XPNPEP2: variants seen among roughly 807,000 people sequenced by gnomAD.
XPNPEP2 encodes xaa-Pro aminopeptidase 2.
Under a neutral mutation model 59.8 loss-of-function variants are expected in XPNPEP2, and 64 were observed. The observed-to-expected ratio is 1.07, with a 90% CI of 0.87 to 1.32. The LOEUF is 1.32. Among genes scored for constraint, XPNPEP2 ranks in the 40% most tolerant of loss-of-function variants. XPNPEP2 has a pLI of 0.00. For synonymous variants in XPNPEP2, 235 were observed against 210.0 expected (o/e 1.12, Z -1.03); for missense variants, 575 against 546.8 (o/e 1.05, Z -0.51).
chrX:129,748,017 G>T (rs1926332163), intron 7 of XPNPEP2: 1 of 411,461 alleles, frequency 2.4e-6, no homozygotes, highest in African/African-American at 2.5e-5. Flanking sequence ...GATGGAGCAG[G>T]AAGGGAGGAA....
intron 7 of XPNPEP2, 113 bp downstream of exon 7, chrX:129,747,866 C>G: frequency 5.6e-6 from 6 of 1,076,362 alleles, no homozygotes; most frequent in Non-Finnish European, 5.1e-6. Context: ...GTTTGCAAAC[C>G]TTAGCATGCA....
chrX:129,750,360 G>T, intron 7 of XPNPEP2, 108 bp from the exon 8 acceptor site: 2 of 580,790 alleles, frequency 3.4e-6, no homozygotes, highest in Non-Finnish European at 2.7e-6. Flanking sequence ...GGGTTTCGCT[G>T]CTTTTTAAGA....
At position 129,747,637 on chromosome X, in the gene XPNPEP2, A is replaced by T; in HGVS notation, c.521A>T (p.Gln174Leu). ...DTWESYDLAL[Q>L]GSNRQLVSIT... ...TGGGAGAGTTATGATCTGGCCCTCC[A>T]AGGCTCTAACAGACAGCTGGTGTCC... The change falls in exon 7 of 21, where the codon CAA (glutamine) becomes CTA (leucine). Residue 174 changes from glutamine (Q) to leucine (L), a missense_variant. Physicochemically the swap from Gln to Leu is moderately radical, Grantham distance 113. Transcript: ENST00000371106. The T allele has an allele frequency of 8.3e-7, 1 of 1,211,795 alleles. No individual in the cohort carries two copies. The highest frequency in any genetic ancestry group is 1.8e-5 in the South Asian group (1 of 57,006).
chrX:129,760,811 G>A (rs988230784), intron 16 of XPNPEP2, among the ~76,000 whole-genome samples: 3 of 112,308 alleles, frequency 2.7e-5, no homozygotes, highest in African/African-American at 9.7e-5. Context: ...TAACACTGTT[G>A]CTCAGAGGTG....
chrX:129,739,119 G>A lies in XPNPEP2; in HGVS notation c.-95G>A, dbSNP rs991207334. The A allele has an allele frequency of 1.6e-5, 15 of 950,337 alleles. No individual in the cohort carries two copies. The East Asian group carries it at 2.8e-4, about 18-fold the overall frequency. 78.3% of individuals were successfully genotyped at this position (950,337 alleles called of 1,213,427 possible). On this transcript the variant is annotated 5_prime_UTR_variant, in exon 1 of 21. Transcript: ENST00000371106. ...GCCAGCCCCCACCCTCTGTCTGCTC[G>A]AGCCCAGGAAAGGCCTGAAGGAAGA...
In XPNPEP2 at chrX:129,743,953, T is replaced by A. The variant is rs1439391363; in HGVS notation, c.124-8T>A. 3 of 1,203,052 alleles carry A rather than the reference T, an allele frequency of 2.5e-6. No individual in the cohort carries two copies. Among genetic ancestry groups the A allele is most frequent in the South Asian group, 1.8e-5 (1 of 56,639 alleles). On this transcript the variant is annotated splice_polypyrimidine_tract_variant and splice_region_variant and intron_variant, in intron 2 of 20. Transcript: ENST00000371106. ...TTTGTGTCTCAATGTCTTCTTGTCA[T>A]CTGTCAGTACCTTCCAGTTACTGTG...
chrX:129,754,589 G>C lies in XPNPEP2; in HGVS notation c.1217+8G>C. 8.5e-7 allele frequency: 1 copy of C among 1,170,991 alleles called. No homozygotes were observed. Among genetic ancestry groups the C allele is most frequent in the Non-Finnish European group, 1.1e-6 (1 of 873,002 alleles). On this transcript the variant is annotated splice_region_variant and intron_variant, in intron 12 of 20. Transcript: ENST00000371106. ...CGTGGACAAGTTCCGAGGGTGAAGA[G>C]CCACGGCCGTCCTTTTTGGCTGACT... is the stretch of plus-strand genomic sequence containing the variant.
At chrX:129,765,635 C>CTTTTTTTTTTTTTTTTTTTTT (rs56014067) in intron 19 of XPNPEP2, among the ~76,000 whole-genome samples, 16 of 67,343 alleles carry the variant, frequency 2.4e-4, no homozygotes, top group Non-Finnish European at 3.2e-4. Flanking sequence ...TTCTTTCTTT[C>CTTTTTTTTTTTTTTTTTTTTT]TTTTTTTTTT....
chrX:129,750,929 A>G (rs1487205857), intron 8 of XPNPEP2, among the ~76,000 whole-genome samples: 2 of 111,404 alleles, frequency 1.8e-5, no homozygotes, highest in Non-Finnish European at 3.8e-5. Flanking sequence ...TTTAGCACCC[A>G]GTGGGACTCT....
chrX:129,757,866 A>AAG (rs1926568448), intron 14 of XPNPEP2, among the ~76,000 whole-genome samples: 1 of 68,518 alleles, frequency 1.5e-5, no homozygotes, highest in African/African-American at 8.6e-5. Flanking sequence ...AAAGAGGGAG[A>AAG]GAGAGAAAGA....
At chrX:129,740,939 CA>C (rs201130192) in intron 1 of XPNPEP2, among the ~76,000 whole-genome samples, 303 of 45,577 alleles carry the variant, frequency 6.6e-3, no homozygotes, top group Admixed American at 0.012. Flanking sequence ...GACTCTGTCT[CA>C]AAAAAAAAAA....
At chrX:129,741,242 A>G (rs1022509876) in intron 1 of XPNPEP2, among the ~76,000 whole-genome samples, 1 of 110,904 alleles carries the variant, frequency 9.0e-6, no homozygotes, top group Non-Finnish European at 1.9e-5. Flanking sequence ...ATCTCCATAT[A>G]TTCTGTCCCT....
chrX:129,739,320 G>C, intron 1 of XPNPEP2, 58 bp downstream of exon 1: 1 of 1,149,309 alleles, frequency 8.7e-7, no homozygotes, highest in South Asian at 1.8e-5. Context: ...TCTGAGCTCA[G>C]AAAGGGTTGG....
intron 4 of XPNPEP2, among the ~76,000 whole-genome samples, chrX:129,746,027 G>C (rs1373644653): frequency 1.8e-5 from 2 of 111,813 alleles, no homozygotes; most frequent in Non-Finnish European, 3.8e-5. Flanking sequence ...ACACAAAGCA[G>C]AGGTGCCTGA....
intron 2 of XPNPEP2, 49 bp from the exon 3 acceptor site, chrX:129,743,912 C>T (rs759877923): frequency 1.1e-5 from 12 of 1,107,231 alleles, no homozygotes; most frequent in African/African-American, 1.8e-5. Context: ...CTCTAAGCAA[C>T]GTGTGTATCT....
chrX:129,739,098 GC>G lies in XPNPEP2; in HGVS notation c.-111del, dbSNP rs1926123802. On this transcript the variant is annotated 5_prime_UTR_variant, in exon 1 of 21. Coordinates refer to ENST00000371106, the MANE Select transcript of XPNPEP2 (RefSeq NM_003399.6). ...GCCAGACGCCTCCTTCTTGACGCCA[GC>G]CCCCACCCTCTGTCTGCTCGAGCCC... 1 of 767,784 alleles carries G rather than the reference GC, an allele frequency of 1.3e-6. No homozygotes were observed. Among genetic ancestry groups the G allele is most frequent in the Admixed American group, 2.8e-5 (1 of 35,436 alleles). 63.3% of individuals were successfully genotyped at this position (767,784 alleles called of 1,213,427 possible).
chrX:129,743,583 G>A (rs1304956939), intron 2 of XPNPEP2, among the ~76,000 whole-genome samples: 2 of 112,261 alleles, frequency 1.8e-5, no homozygotes, highest in Non-Finnish European at 3.8e-5. Context: ...ATTTTTATTT[G>A]CTAATCTGGC....
chrX:129,751,909 A>G, intron 9 of XPNPEP2, 83 bp downstream of exon 9: 2 of 1,008,375 alleles, frequency 2.0e-6, no homozygotes, highest in East Asian at 6.1e-5. Context: ...CCGCCTTAAT[A>G]TACAGCCCTC....
At position 129,762,784 on chromosome X, in the gene XPNPEP2, A is replaced by G. The variant is rs1242524281; in HGVS notation, c.1740+14A>G. 8.3e-7 allele frequency: 1 copy of G among 1,204,297 alleles called. No individual in the cohort carries two copies. On this transcript the variant is annotated intron_variant, in intron 19 of 20. Transcript: ENST00000371106. ...GCAAAGACCAAGGTAAACTGCCACC[A>G]GGATGGGCTGGAGGTGTGGGCAGCA...
Sources: gnomAD v4.1 joint callset for allele counts (sites outside exome capture counted in the v4.1 genomes callset) on GRCh38, gnomAD v4.1.1 for gene constraint, MANE v1.5 for transcripts, NCBI Gene and HGNC (gene_info 2026-07-23, HGNC 2026-07-21) for gene names.